The following CNTN5 variants were observed in gnomAD, a reference collection of about 807,000 sequenced individuals.
The protein encoded by CNTN5 is contactin 5, also known as contactin-5.
A neutral mutation model predicts 129.1 loss-of-function variants in CNTN5; 77 were observed. That is an observed-to-expected ratio of 0.60 (90% confidence interval 0.50 to 0.72). The LOEUF is 0.72. Among genes scored for constraint, CNTN5 ranks in the 30% least tolerant of loss-of-function variants. The probability of loss-of-function intolerance (pLI) is 0.00; values close to 1 mark genes in which losing one functional copy is unlikely to be tolerated. For synonymous variants in CNTN5, 509 were observed against 465.6 expected (o/e 1.09, Z -1.20); for missense variants, 1,478 against 1,328.8 (o/e 1.11, Z -1.75).
intron 9 of CNTN5, among the ~76,000 whole-genome samples, chr11:100,040,474 G>A (rs1942310165): frequency 6.6e-6 from 1 of 152,210 alleles, no homozygotes; most frequent in Non-Finnish European, 1.5e-5. Flanking sequence ...CGTGCTGGGA[G>A]AAGCACTGCT....
At chr11:99,452,635 A>C (rs1385298475) in intron 2 of CNTN5, among the ~76,000 whole-genome samples, 5 of 152,170 alleles carry the variant, frequency 3.3e-5, no homozygotes, top group Middle Eastern at 3.4e-3. Context: ...GGCCTCCCAA[A>C]GTGCTGGGAT....
At chr11:100,020,349 T>C (rs1214492784) in intron 9 of CNTN5, among the ~76,000 whole-genome samples, 1 of 152,090 alleles carries the variant, frequency 6.6e-6, no homozygotes, top group Non-Finnish European at 1.5e-5. Flanking sequence ...CACCTGCAAG[T>C]GAATATCTAG....
intron 6 of CNTN5, among the ~76,000 whole-genome samples, chr11:99,902,263 A>G (rs59568283): frequency 0.058 from 8,210 of 141,710 alleles, 518 homozygotes; most frequent in East Asian, 0.28. Flanking sequence ...TTTTTTTAAC[A>G]TTTTTAAATG....
chr11:99,541,820 G>A (rs1948118876), intron 2 of CNTN5, among the ~76,000 whole-genome samples: 1 of 151,942 alleles, frequency 6.6e-6, no homozygotes, highest in Admixed American at 6.6e-5. Flanking sequence ...AGGATGGCAT[G>A]TGCCTGTAGT....
At chr11:99,926,756 A>G (rs140842351) in intron 7 of CNTN5, among the ~76,000 whole-genome samples, 1 of 152,194 alleles carries the variant, frequency 6.6e-6, no homozygotes, top group East Asian at 1.9e-4. Context: ...AAATCACTAT[A>G]TATTAAATTA....
At chr11:99,665,327 C>T (rs990993578) in intron 3 of CNTN5, among the ~76,000 whole-genome samples, 3 of 151,852 alleles carry the variant, frequency 2.0e-5, no homozygotes, top group Admixed American at 1.3e-4. Flanking sequence ...AATGTCTGGG[C>T]ATTTTTGAAG....
chr11:99,998,909 G>A (rs950171607), intron 8 of CNTN5, among the ~76,000 whole-genome samples: 1 of 150,470 alleles, frequency 6.6e-6, no homozygotes, highest in South Asian at 2.1e-4. Context: ...ATGGGGAAAG[G>A]ATTCCCTATT....
intron 1 of CNTN5, among the ~76,000 whole-genome samples, chr11:99,183,345 A>G (rs1227530547): frequency 6.6e-6 from 1 of 152,144 alleles, no homozygotes; most frequent in Non-Finnish European, 1.5e-5. Flanking sequence ...AAATTATTTC[A>G]GAAACCAGAT....
intron 8 of CNTN5, among the ~76,000 whole-genome samples, chr11:99,969,255 T>G (rs1014619793): frequency 6.6e-6 from 1 of 152,128 alleles, no homozygotes. Flanking sequence ...TAAATATATA[T>G]CTAACTTAGT....
At chr11:99,792,575 GTC>G (rs765477811) in intron 3 of CNTN5, among the ~76,000 whole-genome samples, 6 of 134,878 alleles carry the variant, frequency 4.4e-5, no homozygotes, top group East Asian at 2.1e-4. Context: ...GTGTGTGTGT[GTC>G]TGTCTGTCTG....
chr11:99,453,560 A>G (rs1207210851), intron 2 of CNTN5, among the ~76,000 whole-genome samples: 1 of 152,240 alleles, frequency 6.6e-6, no homozygotes, highest in Non-Finnish European at 1.5e-5. Context: ...AAGAGTAACC[A>G]AATGCAATTA....
At chr11:99,620,027 A>AAAAAAAAAAAAAAAACAAAAAAG (rs1555049924) in intron 3 of CNTN5, among the ~76,000 whole-genome samples, 1 of 129,042 alleles carries the variant, frequency 7.7e-6, no homozygotes, top group Admixed American at 8.9e-5. Context: ...CTCCGTCTCA[A>AAAAAAAAAAAAAAAACAAAAAAG]AAAAAAAAAA....
chr11:99,505,745 A>G (rs75925073), intron 2 of CNTN5, among the ~76,000 whole-genome samples: 2,442 of 152,302 alleles, frequency 0.016, 102 homozygotes, highest in Admixed American at 0.092. Flanking sequence ...TTTAAATAAT[A>G]TCAAACCTTT....
chr11:99,531,158 G>A (rs996321636), intron 2 of CNTN5, among the ~76,000 whole-genome samples: 3 of 152,150 alleles, frequency 2.0e-5, no homozygotes, highest in African/African-American at 7.2e-5. Flanking sequence ...AGACTGAGGT[G>A]GTCTCAGATG....
chr11:99,691,417 A>T (rs1490009566), intron 3 of CNTN5, among the ~76,000 whole-genome samples: 1 of 152,064 alleles, frequency 6.6e-6, no homozygotes. Context: ...ACACTGTGGT[A>T]GCTGTGTCCC....
At chr11:100,048,257 G>A (rs1234016269) in intron 9 of CNTN5, among the ~76,000 whole-genome samples, 2 of 152,042 alleles carry the variant, frequency 1.3e-5, no homozygotes, top group East Asian at 1.9e-4. Flanking sequence ...TACATCAGTG[G>A]CCCCCAATTT....
At chr11:99,929,938 C>G (rs551377747) in intron 7 of CNTN5, among the ~76,000 whole-genome samples, 1 of 152,228 alleles carries the variant, frequency 6.6e-6, no homozygotes, top group South Asian at 2.1e-4. Context: ...AAAGAAAAGT[C>G]CATTTGGAAG....
At chr11:99,421,187 C>CG (rs1555141375) in intron 2 of CNTN5, among the ~76,000 whole-genome samples, 1 of 150,370 alleles carries the variant, frequency 6.7e-6, no homozygotes, top group African/African-American at 2.5e-5. Context: ...CTACTGTGTG[C>CG]TAGACACTGC....
In CNTN5 at chr11:100,255,669, T is replaced by C. The variant is rs535914692; in HGVS notation, c.2006-91T>C. Reference sequence around the variant, plus strand: ...TTCATATTTCATTAAGGTGATTACATAGTTGGATGTGCTACATATTGGAAA... The same window carrying C: ...TTCATATTTCATTAAGGTGATTACACAGTTGGATGTGCTACATATTGGAAA... On this transcript the variant is annotated intron_variant, in intron 16 of 24. Coordinates refer to ENST00000524871, the MANE Select transcript of CNTN5 (RefSeq NM_014361.4). 444 of 1,087,462 alleles carry C rather than the reference T, an allele frequency of 4.1e-4. 1 individual carries two copies. The African/African-American group carries it at 6.5e-3, about 16-fold the overall frequency. 67.4% of individuals were successfully genotyped at this position (1,087,462 alleles called of 1,614,324 possible).
Sources: gnomAD v4.1 joint callset for allele counts (sites outside exome capture counted in the v4.1 genomes callset) on GRCh38, gnomAD v4.1.1 for gene constraint, MANE v1.5 for transcripts, NCBI Gene and HGNC (gene_info 2026-07-23, HGNC 2026-07-21) for gene names.